KCNMA1: variants seen among roughly 807,000 people sequenced by gnomAD.
The protein encoded by KCNMA1 is Calcium-activated potassium channel subunit alpha-1.
A neutral mutation model predicts 140.0 loss-of-function variants in KCNMA1; 29 were observed. The ratio of observed to expected loss-of-function variants is 0.21; its 90% CI spans 0.15 to 0.28. The LOEUF (loss-of-function observed/expected upper bound fraction) is 0.28. Ranked by LOEUF, KCNMA1 falls within the 10% of genes least tolerant of loss-of-function variation. The pLI is 1.00. For synonymous variants in KCNMA1, 612 were observed against 611.9 expected (o/e 1.00, Z 0.00); for missense variants, 880 against 1,602.2 (o/e 0.55, Z 7.70).
intron 3 of KCNMA1, among the ~76,000 whole-genome samples, chr10:77,206,909 T>C (rs2044322846): frequency 6.6e-6 from 1 of 152,126 alleles, no homozygotes; most frequent in African/African-American, 2.4e-5. Flanking sequence ...ATGCTTGTTA[T>C]TAGGATCAGG....
intron 1 of KCNMA1, among the ~76,000 whole-genome samples, chr10:77,551,799 A>T (rs769682315): frequency 5.3e-5 from 8 of 152,168 alleles, no homozygotes; most frequent in Non-Finnish European, 8.8e-5. Context: ...TGGCCAGCAC[A>T]TCTATTCAAG....
downstream of KCNMA1, among the ~76,000 whole-genome samples, chr10:76,880,763 T>C (rs1354110382): frequency 1.3e-5 from 2 of 152,196 alleles, no homozygotes; most frequent in East Asian, 1.9e-4. Flanking sequence ...GCAGCTCTAA[T>C]GAATGCTGCC....
exon 28 of KCNMA1, chr10:76,871,331 C>T (rs2031279873): frequency 6.5e-6 from 1 of 152,702 alleles, no homozygotes; most frequent in Non-Finnish European, 1.5e-5. Context: ...CTCTTGTTTT[C>T]CTATTCCTCC....
chr10:77,044,508 G>T (rs2153600919), intron 14 of KCNMA1, among the ~76,000 whole-genome samples: 1 of 152,186 alleles, frequency 6.6e-6, no homozygotes, highest in East Asian at 1.9e-4. Flanking sequence ...AATTTGCCAA[G>T]TGTGGTAGCA....
chr10:77,637,762 G>C lies in KCNMA1; in HGVS notation c.-120C>G. The C allele has an allele frequency of 7.6e-7, 1 of 1,308,300 alleles. No individual in the cohort carries two copies. The highest frequency in any genetic ancestry group is 9.6e-7 in the Non-Finnish European group (1 of 1,040,934). The allele number at this position is 1,308,300 out of a possible 1,614,324, so 81.0% of individuals were successfully genotyped here. A position where few individuals can be genotyped will look rare whatever the true frequency, so the allele number is the denominator to read the frequency against. On this transcript the variant is annotated 5_prime_UTR_variant, in exon 1 of 28. Transcript: ENST00000286628. ...TGCTGCCGCCGCCGCCGCCGCCGCG[G>C]AGCGCGGGAGGGGGGCGGGGAGGCG... is the stretch of plus-strand genomic sequence containing the variant.
chr10:76,910,542 G>A (rs1340905594), intron 24 of KCNMA1: 1 of 281,620 alleles, frequency 3.6e-6, no homozygotes, highest in Non-Finnish European at 6.9e-6. Context: ...AGCGCTGGAA[G>A]GGGAGCACAG....
At chr10:77,025,402 A>G (rs1413971416) in intron 16 of KCNMA1, 13 of 1,565,552 alleles carry the variant, frequency 8.3e-6, no homozygotes, top group Non-Finnish European at 1.0e-5. Flanking sequence ...AGGAGTGAAG[A>G]TAGAGGGTGG....
chr10:77,544,733 G>C (rs776219576), intron 1 of KCNMA1, among the ~76,000 whole-genome samples: 3 of 152,178 alleles, frequency 2.0e-5, no homozygotes, highest in Non-Finnish European at 2.9e-5. Context: ...CCCCCAGCTA[G>C]TAGTTTGCAG....
intron 2 of KCNMA1, among the ~76,000 whole-genome samples, chr10:77,333,257 G>A (rs980202290): frequency 2.0e-5 from 3 of 151,810 alleles, no homozygotes; most frequent in Non-Finnish European, 2.9e-5. Flanking sequence ...TATCAAGAAT[G>A]GCCTGGCACA....
In KCNMA1 at chr10:77,183,519, T is replaced by C. The variant is rs2154124882; in HGVS notation, c.710A>G (p.Asn237Ser). ...LYFGLRFIAA[N>S]DKLWFWLEVN... is the part of the protein sequence containing the mutation. ...TTCCAGCCAGAACCACAATTTATCG[T>C]TGGCTGCAATAAACTGGGGGAAAGA... Residue 237 changes from asparagine (N) to serine (S), a missense_variant, in exon 5 of 28, where the codon AAC becomes AGC. By Grantham distance (46) the Asn-to-Ser change is conservative. Around this residue, in one of 13 missense-constraint regions of KCNMA1, gnomAD observed 198 missense variants for 580.1 expected, o/e 0.34. Coordinates refer to ENST00000286628, the MANE Select transcript of KCNMA1 (RefSeq NM_001161352.2). The C allele has an allele frequency of 1.2e-6, 2 of 1,611,472 alleles. No individual in the cohort carries two copies. The highest frequency in any genetic ancestry group is 2.2e-5 in the South Asian group (2 of 90,980).
rs1183311699 is a variant in KCNMA1, at chr10:77,025,242, GTATATATATA to G, written c.1928+2571_1928+2580del. Among the ~76,000 whole-genome samples, 173 of 42,774 alleles carry G rather than the reference GTATATATATA, an allele frequency of 4.0e-3. 2 individuals carry two copies. The highest frequency in any genetic ancestry group is 6.7e-3 in the Admixed American group (19 of 2,856). The allele number at this position is 42,774 out of a possible 152,430, so 28.1% of individuals were successfully genotyped here. The stretch of plus-strand genomic sequence containing the variant: ...ACTCTAGTTGGAGAGGGGTGTGTGT[GTATATATATA>G]TATATATATATATATATATATATAT... On this transcript the variant is annotated intron_variant, in intron 16 of 27. Transcript: ENST00000286628.
At chr10:77,557,098 G>A (rs2064794337) in intron 1 of KCNMA1, among the ~76,000 whole-genome samples, 1 of 152,242 alleles carries the variant, frequency 6.6e-6, no homozygotes, top group Non-Finnish European at 1.5e-5. Flanking sequence ...CTGCACAGGA[G>A]TCAGGTTTCT....
chr10:77,277,082 T>G (rs2154290732), intron 2 of KCNMA1, among the ~76,000 whole-genome samples: 2 of 152,284 alleles, frequency 1.3e-5, no homozygotes, highest in East Asian at 3.9e-4. Context: ...CTTCATTGTC[T>G]CTGCCCTGAG....
chr10:77,078,835 T>C (rs1399980829), intron 13 of KCNMA1, among the ~76,000 whole-genome samples: 6 of 152,228 alleles, frequency 3.9e-5, no homozygotes, highest in Non-Finnish European at 8.8e-5. Flanking sequence ...AAATAAAAGT[T>C]GTTGTAACTT....
At chr10:77,232,264 G>A (rs1225041718) in intron 3 of KCNMA1, among the ~76,000 whole-genome samples, 1 of 152,152 alleles carries the variant, frequency 6.6e-6, no homozygotes, top group African/African-American at 2.4e-5. Flanking sequence ...CATTTCTGTT[G>A]GGTAAATACC....
At chr10:77,147,266 C>T (rs753595869) in intron 5 of KCNMA1, among the ~76,000 whole-genome samples, 17 of 152,222 alleles carry the variant, frequency 1.1e-4, no homozygotes, top group Admixed American at 2.6e-4. Context: ...CTCTTCTTCA[C>T]GCACTTACTC....
At chr10:76,936,353 T>A (rs534163415) in intron 23 of KCNMA1, among the ~76,000 whole-genome samples, 2 of 152,238 alleles carry the variant, frequency 1.3e-5, no homozygotes, top group South Asian at 4.1e-4. Flanking sequence ...AAAAGAAAAT[T>A]ATTGGGGTAG....
chr10:76,941,025 GA>G (rs1252467241), intron 23 of KCNMA1, among the ~76,000 whole-genome samples: 3 of 59,372 alleles, frequency 5.1e-5, no homozygotes, highest in African/African-American at 2.4e-4. Flanking sequence ...AAGGAAGAAA[GA>G]AAGAAAGAAA....
intron 5 of KCNMA1, among the ~76,000 whole-genome samples, chr10:77,125,789 A>G (rs959360781): frequency 2.6e-5 from 4 of 152,220 alleles, no homozygotes; most frequent in Non-Finnish European, 4.4e-5. Context: ...CCTTGTTTGA[A>G]CTGAATGAGT....
Sources: allele counts gnomAD v4.1 joint callset (sites outside exome capture counted in the v4.1 genomes callset), GRCh38; gene constraint gnomAD v4.1.1; regional missense constraint gnomAD v4.1.1; transcripts MANE v1.5; gene names NCBI Gene and HGNC (gene_info 2026-07-23, HGNC 2026-07-21).